Variants in CACNA1B observed in about 807,000 individuals in gnomAD.
The protein encoded by CACNA1B is voltage-dependent N-type calcium channel subunit alpha-1B.
A neutral mutation model predicts 247.2 loss-of-function variants in CACNA1B; 70 were observed. The ratio of observed to expected loss-of-function variants is 0.28; its 90% CI spans 0.23 to 0.35. The LOEUF is 0.35. Among genes scored for constraint, CACNA1B ranks in the 10% least tolerant of loss-of-function variants. The pLI is 1.00. For synonymous variants in CACNA1B, 1,231 were observed against 1,294.4 expected (o/e 0.95, Z 1.05); for missense variants, 2,367 against 3,197.4 (o/e 0.74, Z 6.26).
In CACNA1B at chr9:138,121,965, G is replaced by A; in HGVS notation, c.6986G>A (p.Ser2329Asn). ...AGCTCGGGTGGCCGAGCACGGCACA[G>A]CTACCACCACCCTGACCAAGACCAC... ...GLSSGGRARH[S>N]YHHPDQDHWC Residue 2329 changes from serine to asparagine, a missense_variant, in exon 47 of 47, where the codon AGC becomes AAC. Ser to Asn is a conservative substitution (Grantham distance 46). Transcript: ENST00000371372. The surrounding 1 kb of genome is among the most constrained non-coding windows in gnomAD (Gnocchi z 6.8). 1 of 1,602,170 alleles carries A rather than the reference G, an allele frequency of 6.2e-7. No homozygotes were observed. Among genetic ancestry groups the A allele is most frequent in the South Asian group, 1.1e-5 (1 of 91,062 alleles).
Position 138,054,505 on chromosome 9 carries a change from C to T in CACNA1B, c.3968+499C>T, listed in dbSNP as rs902906881. ...GCTGGTTAGCTGCCTGTGTGGACCCCGGGCAAGGCAGTACCCACAGTGTCT... is the reference window on the plus strand; with the variant it reads ...GCTGGTTAGCTGCCTGTGTGGACCCTGGGCAAGGCAGTACCCACAGTGTCT... On this transcript the variant is annotated intron_variant, in intron 26 of 46. Coordinates refer to ENST00000371372, the MANE Select transcript of CACNA1B (RefSeq NM_000718.4). The surrounding 1 kb of genome is among the most constrained non-coding windows in gnomAD (Gnocchi z 4.6). 2.0e-5 allele frequency among the ~76,000 whole-genome samples: 3 copies of T among 152,186 alleles called. No individual in the cohort carries two copies. Among genetic ancestry groups the T allele is most frequent in the Non-Finnish European group, 2.9e-5 (2 of 68,036 alleles).
chr9:138,058,679 T>G lies in CACNA1B; in HGVS notation c.4419T>G (p.Phe1473Leu). The G allele has an allele frequency of 6.2e-7, 1 of 1,612,844 alleles. No homozygotes were observed. The highest frequency in any genetic ancestry group is 8.5e-7 in the Non-Finnish European group (1 of 1,179,432). Residue 1473 changes from phenylalanine (F) to leucine (L), a missense_variant, in exon 29 of 47, where the codon TTT becomes TTG. Transcript: ENST00000371372. This position sits in a 1 kb window ranked among gnomAD's most constrained non-coding sequence, Gnocchi z 4.7. ...KTWTFVVSPP[F>L]EYFIMAMIAL... The stretch of plus-strand genomic sequence containing the variant: ...GGACATTTGTGGTCTCCCCGCCCTT[T>G]GAATACTTCATCATGGCCATGATAG...
intron 11 of CACNA1B, among the ~76,000 whole-genome samples, chr9:137,972,936 G>A (rs1284329657): frequency 6.6e-6 from 1 of 152,194 alleles, no homozygotes; most frequent in East Asian, 1.9e-4. Context: ...GGTACCTCGG[G>A]ACTTTGCTTG....
At position 138,121,547 on chromosome 9, in the gene CACNA1B, C is replaced by G; in HGVS notation, c.6568C>G (p.Leu2190Val). Residue 2190 changes from leucine (L) to valine (V), a missense_variant, in exon 47 of 47, where the codon CTC (leucine) becomes GTC (valine). By Grantham distance (32) the Leu-to-Val change is conservative. This residue lies in a region of CACNA1B where 773 missense variants were observed against 779.4 expected (regional missense o/e 0.99). Transcript: ENST00000371372. This position sits in a 1 kb window ranked among gnomAD's most constrained non-coding sequence, Gnocchi z 6.8. Reference protein sequence around the residue: ...STPGRGGRRQLPQTPLTPRPS... With the variant: ...STPGRGGRRQVPQTPLTPRPS... The stretch of plus-strand genomic sequence containing the variant: ...CCCCGGCCGCGGTGGGCGGAGGCAG[C>G]TCCCCCAGACGCCCCTGACTCCCCG... 1 of 1,596,678 alleles carries G rather than the reference C, an allele frequency of 6.3e-7. No individual in the cohort carries two copies. The highest frequency in any genetic ancestry group is 8.6e-7 in the Non-Finnish European group (1 of 1,169,444).
intron 5 of CACNA1B, among the ~76,000 whole-genome samples, chr9:137,915,739 A>G (rs989526923): frequency 1.3e-5 from 2 of 152,124 alleles, no homozygotes; most frequent in Non-Finnish European, 2.9e-5. Flanking sequence ...TTCCCTTTAC[A>G]GTCAAGAACA....
intron 20 of CACNA1B, among the ~76,000 whole-genome samples, chr9:138,038,525 TG>T (rs954987339): frequency 6.6e-6 from 1 of 152,238 alleles, no homozygotes; most frequent in African/African-American, 2.4e-5. Context: ...GGGAAGTGCA[TG>T]GGAGTTTGCA....
In CACNA1B at chr9:137,914,693, T is replaced by C. The variant is rs779795778; in HGVS notation, c.662T>C (p.Val221Ala). ...CTCAAGTCCATCATGAAGGCCATGG[T>C]TCCACTCCTGCAGATTGGGCTGCTT... The part of the protein sequence containing the change: ...VVLKSIMKAM[V>A]PLLQIGLLLF... Residue 221 changes from valine to alanine, a missense_variant, in exon 5 of 47, where the codon GTT becomes GCT. Val to Ala is a moderately conservative substitution (Grantham distance 64). This residue lies in a region of CACNA1B where 130 missense variants were observed against 338.7 expected (regional missense o/e 0.38). Coordinates refer to ENST00000371372, the MANE Select transcript of CACNA1B (RefSeq NM_000718.4). This position sits in a 1 kb window ranked among gnomAD's most constrained non-coding sequence, Gnocchi z 4.3. The C allele has an allele frequency of 6.8e-6, 11 of 1,614,002 alleles. No homozygotes were observed. In the Admixed American group the frequency reaches 1.8e-4, roughly 27 times the overall value.
rs1957421730 is a variant in CACNA1B, at chr9:137,917,143, C to A, written c.776-98C>A. ...GTTTCTGTTGGTGGCTGGTTCCTGC[C>A]CACCTGCTGTGAGCTCTCCAGAGCC... On this transcript the variant is annotated intron_variant, in intron 5 of 46. Transcript: ENST00000371372. This position sits in a 1 kb window ranked among gnomAD's most constrained non-coding sequence, Gnocchi z 5.5. 3 of 1,101,976 alleles carry A rather than the reference C, an allele frequency of 2.7e-6. No homozygotes were observed. Among genetic ancestry groups the A allele is most frequent in the Admixed American group, 2.5e-5 (1 of 39,832 alleles). The allele number at this position is 1,101,976 out of a possible 1,614,324, so 68.3% of individuals were successfully genotyped here.
intron 6 of CACNA1B, among the ~76,000 whole-genome samples, chr9:137,922,108 C>G (rs556779562): frequency 6.7e-6 from 1 of 148,606 alleles, no homozygotes; most frequent in Non-Finnish European, 1.5e-5. Context: ...ATCAGCACCG[C>G]GATCACACAG....
rs1400793459 is a variant in CACNA1B, at chr9:138,011,992, T to C, written c.2161-1137T>C. ...GGCCTGTGGTCTCAGCCGAGAACTATTGATCCGGAACCCAGGTGCCGAGCA... is the reference window on the plus strand; with the variant it reads ...GGCCTGTGGTCTCAGCCGAGAACTACTGATCCGGAACCCAGGTGCCGAGCA... On this transcript the variant is annotated intron_variant, in intron 17 of 46. Coordinates refer to ENST00000371372, the MANE Select transcript of CACNA1B (RefSeq NM_000718.4). The surrounding 1 kb of genome is among the most constrained non-coding windows in gnomAD (Gnocchi z 4.2). Among the ~76,000 whole-genome samples the C allele has an allele frequency of 3.9e-5, 6 of 152,176 alleles. No homozygotes were observed. The highest frequency in any genetic ancestry group is 5.9e-5 in the Non-Finnish European group (4 of 68,038).
intron 6 of CACNA1B, among the ~76,000 whole-genome samples, chr9:137,933,407 A>T (rs1362113958): frequency 6.6e-6 from 1 of 152,148 alleles, no homozygotes; most frequent in East Asian, 1.9e-4. Context: ...TTCTGTTAAT[A>T]CAAAGTGGCA....
chr9:137,885,441 T>C (rs1956997482), intron 3 of CACNA1B, among the ~76,000 whole-genome samples: 1 of 151,870 alleles, frequency 6.6e-6, no homozygotes, highest in South Asian at 2.1e-4. Context: ...GTGGGCGGTA[T>C]TTCTCATTAG....
At position 137,961,813 on chromosome 9, in the gene CACNA1B, G is replaced by A. The variant is rs141141026; in HGVS notation, c.1333+4126G>A. Among the ~76,000 whole-genome samples, 7 of 152,314 alleles carry A rather than the reference G, an allele frequency of 4.6e-5. No individual in the cohort carries two copies. The East Asian group carries it at 1.2e-3, about 25-fold the overall frequency. On this transcript the variant is annotated intron_variant, in intron 10 of 46. Coordinates refer to ENST00000371372, the MANE Select transcript of CACNA1B (RefSeq NM_000718.4). ...TTTTGTTGAGGATTTTTGCATCAAT[G>A]TTCATCTAGGATATTGGCCTGAAGT... is the stretch of plus-strand genomic sequence containing the variant.
At chr9:138,041,101 A>C (rs1959115102) in intron 20 of CACNA1B, among the ~76,000 whole-genome samples, 1 of 152,200 alleles carries the variant, frequency 6.6e-6, no homozygotes, top group Non-Finnish European at 1.5e-5. Flanking sequence ...CTGTAGGCCA[A>C]CTGAGGAAGG....
chr9:138,103,076 A>C (rs1961307840), intron 38 of CACNA1B, among the ~76,000 whole-genome samples: 2 of 151,950 alleles, frequency 1.3e-5, no homozygotes, highest in Non-Finnish European at 2.9e-5. Context: ...CTGGAGGCTC[A>C]GGAAGACAGA....
At chr9:137,909,001 T>C (rs1957330256) in intron 3 of CACNA1B, among the ~76,000 whole-genome samples, 1 of 151,040 alleles carries the variant, frequency 6.6e-6, no homozygotes, top group Non-Finnish European at 1.5e-5. Flanking sequence ...CCTTTTTTTT[T>C]TTTTTTGAGA....
chr9:138,000,222 C>T (rs868656743), intron 15 of CACNA1B, among the ~76,000 whole-genome samples: 3 of 151,760 alleles, frequency 2.0e-5, no homozygotes, highest in Non-Finnish European at 4.4e-5. Flanking sequence ...CCTCAGCCTC[C>T]CGAGTGGCTG....
rs766018881 is a variant in CACNA1B, at chr9:138,096,626, G to GTCCA, written c.5222+16_5222+17insCCAT. Reference sequence around the variant, plus strand: ...CCGGCTGCGTGGTAAGTGAGCCGTGGTGCTCTGTGGTCCTTGGGGGTGGTC... The same window carrying GTCCA: ...CCGGCTGCGTGGTAAGTGAGCCGTGGTCCATGCTCTGTGGTCCTTGGGGGTGGTC... On this transcript the variant is annotated intron_variant, in intron 37 of 46. Coordinates refer to ENST00000371372, the MANE Select transcript of CACNA1B (RefSeq NM_000718.4). 1.1e-5 allele frequency: 17 copies of GTCCA among 1,608,660 alleles called. No homozygotes were observed. The highest frequency in any genetic ancestry group is 1.4e-5 in the Non-Finnish European group (17 of 1,176,908).
chr9:137,988,915 C>T (rs899143440), intron 15 of CACNA1B, among the ~76,000 whole-genome samples: 6 of 152,108 alleles, frequency 3.9e-5, no homozygotes, highest in African/African-American at 1.4e-4. Flanking sequence ...GGACCAGGGT[C>T]CTGAGATCCC....
Sources: allele counts gnomAD v4.1 joint callset (sites outside exome capture counted in the v4.1 genomes callset), GRCh38; gene constraint gnomAD v4.1.1; regional missense constraint gnomAD v4.1.1; non-coding constraint Gnocchi (gnomAD v3.1); transcripts MANE v1.5; gene names NCBI Gene and HGNC (gene_info 2026-07-23, HGNC 2026-07-21).